Variants in NOA1 observed in about 807,000 individuals in gnomAD.
NOA1 encodes nitric oxide associated 1.
NOA1 carries 35 observed loss-of-function variants against 58.4 expected under a neutral mutation model. That is an observed-to-expected ratio of 0.60 (90% CI 0.46 to 0.79). NOA1 has a LOEUF of 0.79. Among genes scored for constraint, NOA1 ranks in the 30% least tolerant of loss-of-function variants. The pLI is 0.00. For synonymous variants in NOA1, 397 were observed against 373.4 expected, an observed-to-expected ratio of 1.06 and a Z score of -0.73; for missense variants, 895 against 894.6, an observed-to-expected ratio of 1.00 and a Z score of -0.01.
In NOA1 at chr4:56,976,605, C is replaced by CA; in HGVS notation, c.980dup (p.Leu327PhefsTer30). 1 of 1,614,220 alleles carries CA rather than the reference C, an allele frequency of 6.2e-7. No homozygotes were observed. Among genetic ancestry groups the CA allele is most frequent in the South Asian group, 1.1e-5 (1 of 91,090 alleles). Reference sequence around the variant, plus strand: ...GCCAGGAGCGCTGAAGGGCAGAGATCAACTCTTCCACTCCATAGCCGGTCT... The same window carrying CA: ...GCCAGGAGCGCTGAAGGGCAGAGATCAAACTCTTCCACTCCATAGCCGGTCT... On this transcript the variant is annotated frameshift_variant, in exon 1 of 7. Coordinates refer to ENST00000264230, the MANE Select transcript of NOA1 (RefSeq NM_032313.4). LOFTEE classifies it high-confidence loss of function.
Position 56,973,967 on chromosome 4 carries a change from C to T in NOA1, c.1200G>A (p.Met400Ile). 6.2e-7 allele frequency: 1 copy of T among 1,613,970 alleles called. No homozygotes were observed. Among genetic ancestry groups the T allele is most frequent in the Non-Finnish European group, 8.5e-7 (1 of 1,179,912 alleles). Reference sequence around the variant, plus strand: ...TTTTAAGTCTTTGATGCCTTTTAAACATTCTGTAAGGAGTTGGGTTGCAAA... The same window carrying T: ...TTTTAAGTCTTTGATGCCTTTTAAATATTCTGTAAGGAGTTGGGTTGCAAA... ...FPICNPTPYR[M>I]FKRHQRLKKD... is the part of the protein sequence containing the mutation. Residue 400 changes from methionine to isoleucine, a missense_variant, in exon 2 of 7, where the codon ATG becomes ATA. Met to Ile is a conservative substitution (Grantham distance 10). Transcript: ENST00000264230.
intron 3 of NOA1, among the ~76,000 whole-genome samples, chr4:56,971,626 G>T (rs1721812608): frequency 6.6e-6 from 1 of 152,154 alleles, no homozygotes; most frequent in Non-Finnish European, 1.5e-5. Context: ...TCGGAAACTG[G>T]TCAGTAACCA....
chr4:56,971,038 C>T (rs939209423), intron 3 of NOA1, among the ~76,000 whole-genome samples: 3 of 152,010 alleles, frequency 2.0e-5, no homozygotes, highest in African/African-American at 7.2e-5. Flanking sequence ...TTAGTCTGGG[C>T]GTAGTGGCTC....
At chr4:56,964,233 A>C (rs1721658629) in intron 6 of NOA1, among the ~76,000 whole-genome samples, 173 bp downstream of exon 6, 2 of 151,942 alleles carry the variant, frequency 1.3e-5, no homozygotes, top group Admixed American at 6.6e-5. Flanking sequence ...ATGCCCGGCT[A>C]ATTTTGTACT....
rs57382498 is a variant in NOA1 at position 56,966,018 on chromosome 4, CTTTTTT to C, written c.1764+596_1764+601del. Among the ~76,000 whole-genome samples, 152 of 88,552 alleles carry C rather than the reference CTTTTTT, an allele frequency of 1.7e-3. 1 individual carries two copies. In the Admixed American group the frequency reaches 0.019, roughly 11 times the overall value. 58.1% of individuals were successfully genotyped at this position (88,552 alleles called of 152,430 possible). ...TACCTGGCTAACTTGAGCAAATTTT[CTTTTTT>C]TTTTTTTTTTTTTTTTGAGATGGAG... On this transcript the variant is annotated intron_variant, in intron 5 of 6. Transcript: ENST00000264230.
intron 1 of NOA1, among the ~76,000 whole-genome samples, chr4:56,974,863 G>A (rs923997565): frequency 1.3e-5 from 2 of 150,632 alleles, no homozygotes; most frequent in Non-Finnish European, 3.0e-5. Flanking sequence ...TACCAAACCC[G>A]GCTAAGTTTT....
intron 1 of NOA1, among the ~76,000 whole-genome samples, chr4:56,975,892 C>T (rs1010775794): frequency 6.6e-6 from 1 of 150,690 alleles, no homozygotes; most frequent in East Asian, 1.9e-4. Context: ...AAAACAAACA[C>T]AAAAATTAGC....
At chr4:56,973,485 CTTTT>C in intron 2 of NOA1, 132 bp from the exon 3 acceptor site, 1 of 612,634 alleles carries the variant, frequency 1.6e-6, no homozygotes, top group Non-Finnish European at 2.7e-6. Context: ...GATACTTTTG[CTTTT>C]TTTTTTTTCC....
chr4:56,973,779 C>T (rs148065668), intron 2 of NOA1, 79 bp downstream of exon 2: 12 of 1,431,934 alleles, frequency 8.4e-6, no homozygotes, highest in South Asian at 3.8e-5. Flanking sequence ...TGGCTAGCCT[C>T]GGACAGCTGT....
Position 56,966,666 on chromosome 4 carries a change from C to G in NOA1, c.1718G>C (p.Arg573Thr). 1.9e-6 allele frequency: 3 copies of G among 1,613,950 alleles called. No homozygotes were observed. Among genetic ancestry groups the G allele is most frequent in the Non-Finnish European group, 2.5e-6 (3 of 1,179,844 alleles). ...ILPVHITSLD[R>T]ADALYQKHAG... Reference sequence around the variant, plus strand: ...ATGCTTCTGATACAGAGCGTCTGCCCTGTCCAAGGAGGTGATATGCACAGG... The same window carrying G: ...ATGCTTCTGATACAGAGCGTCTGCCGTGTCCAAGGAGGTGATATGCACAGG... Residue 573 changes from arginine (R) to threonine (T), a missense_variant, in exon 5 of 7, where the codon AGG becomes ACG. Physicochemically the swap from Arg to Thr is moderately conservative, Grantham distance 71. Around this residue, in one of 3 missense-constraint regions of NOA1, gnomAD observed 212 missense variants for 221.3 expected, o/e 0.96. Coordinates refer to ENST00000264230, the MANE Select transcript of NOA1 (RefSeq NM_032313.4).
chr4:56,974,593 C>T (rs1560465410), intron 1 of NOA1, among the ~76,000 whole-genome samples: 1 of 150,324 alleles, frequency 6.7e-6, no homozygotes. Flanking sequence ...TGAGGGTTGC[C>T]GTGAGGCGAG....
At position 56,973,255 on chromosome 4, in the gene NOA1, G is replaced by C. The variant is rs1347799335; in HGVS notation, c.1408C>G (p.Pro470Ala). ...GTGGATTTGTGTGTACCCATAACAG[G>C]GTCATTTTCCATGTCAAAGGCAAGT... ...DSLAFDMEND[P>A]VMGTHKSTKQ... Residue 470 changes from proline to alanine, a missense_variant, in exon 3 of 7, where the codon CCT becomes GCT. Around this residue, in one of 3 missense-constraint regions of NOA1, gnomAD observed 680 missense variants for 656.5 expected, o/e 1.04. Coordinates refer to ENST00000264230, the MANE Select transcript of NOA1 (RefSeq NM_032313.4). 1 of 1,613,888 alleles carries C rather than the reference G, an allele frequency of 6.2e-7. No homozygotes were observed. Among genetic ancestry groups the C allele is most frequent in the South Asian group, 1.1e-5 (1 of 91,072 alleles).
chr4:56,967,665 C>T (rs148983578), intron 4 of NOA1, among the ~76,000 whole-genome samples: 27 of 152,140 alleles, frequency 1.8e-4, no homozygotes, highest in East Asian at 5.8e-4. Context: ...GCTATATAAA[C>T]GAATACCAAA....
intron 4 of NOA1, among the ~76,000 whole-genome samples, chr4:56,967,322 G>GT (rs1208228695): frequency 6.6e-6 from 1 of 151,712 alleles, no homozygotes; most frequent in African/African-American, 2.4e-5. Flanking sequence ...TGAGGCCACA[G>GT]TGAGCCGTGA....
intron 5 of NOA1, among the ~76,000 whole-genome samples, chr4:56,966,018 C>CTTTTTTTTT (rs57382498): frequency 2.3e-5 from 2 of 88,560 alleles, no homozygotes; most frequent in African/African-American, 4.6e-5. Context: ...AGCAAATTTT[C>CTTTTTTTTT]TTTTTTTTTT....
At chr4:56,965,290 A>G (rs1219093850) in intron 5 of NOA1, among the ~76,000 whole-genome samples, 2 of 152,166 alleles carry the variant, frequency 1.3e-5, no homozygotes, top group African/African-American at 4.8e-5. Flanking sequence ...GGTGTGAGCC[A>G]CTGCGCTTGG....
At position 56,977,134 on chromosome 4, in the gene NOA1, T is replaced by C. The variant is rs11553075; in HGVS notation, c.452A>G (p.Gln151Arg). The change falls in exon 1 of 7, where the codon CAG becomes CGG. Residue 151 changes from glutamine to arginine, a missense_variant. Gln to Arg is a conservative substitution (Grantham distance 43). Around this residue, in one of 3 missense-constraint regions of NOA1, gnomAD observed 680 missense variants for 656.5 expected, o/e 1.04. Coordinates refer to ENST00000264230, the MANE Select transcript of NOA1 (RefSeq NM_032313.4). ...CSGCGAELHC[Q>R]DAGVPGYLPR... is the part of the protein sequence containing the mutation. ...CAGGTAGCCGGGCACTCCGGCGTCC[T>C]GGCAGTGCAGCTCTGCCCCACAGCC... is the stretch of plus-strand genomic sequence containing the variant. The C allele has an allele frequency of 4.4e-3, 6,767 of 1,555,006 alleles. 274 individuals are homozygous for C. In the African/African-American group the frequency reaches 0.082, roughly 19 times the overall value.
At chr4:56,967,152 T>C (rs1403546793) in intron 4 of NOA1, among the ~76,000 whole-genome samples, 3 of 151,714 alleles carry the variant, frequency 2.0e-5, no homozygotes, top group Non-Finnish European at 4.4e-5. Flanking sequence ...AAGGCCGAGG[T>C]GGGTGAATCC....
intron 1 of NOA1, among the ~76,000 whole-genome samples, chr4:56,975,638 G>T (rs563196636): frequency 6.6e-6 from 1 of 152,252 alleles, no homozygotes; most frequent in Non-Finnish European, 1.5e-5. Context: ...AGCACTTTGG[G>T]ATGCTGAGGC....
Sources: gnomAD v4.1 joint callset for allele counts (sites outside exome capture counted in the v4.1 genomes callset) on GRCh38, gnomAD v4.1.1 for gene constraint, gnomAD v4.1.1 regional missense constraint, MANE v1.5 for transcripts, NCBI Gene and HGNC (gene_info 2026-07-23, HGNC 2026-07-21) for gene names.